Variants in PPP1R12A observed in about 807,000 individuals in gnomAD.
The protein encoded by PPP1R12A is myosin binding subunit.
Under a neutral mutation model 139.6 loss-of-function variants are expected in PPP1R12A, and 19 were observed. The observed-to-expected ratio is 0.14, with a 90% confidence interval of 0.09 to 0.20. PPP1R12A has a LOEUF of 0.20. Among genes scored for constraint, PPP1R12A ranks in the 10% least tolerant of loss-of-function variants. The pLI is 1.00. For synonymous variants in PPP1R12A, 427 were observed against 420.6 expected (o/e 1.02, Z -0.19); for missense variants, 925 against 1,211.5 (o/e 0.76, Z 3.51).
At position 79,808,427 on chromosome 12, in the gene PPP1R12A, T is replaced by G. The variant is rs1000567857; in HGVS notation, c.1550+56A>C. 3 of 1,169,628 alleles carry G rather than the reference T, an allele frequency of 2.6e-6. No homozygotes were observed. In the African/African-American group the frequency reaches 4.6e-5, roughly 18 times the overall value. The allele number at this position is 1,169,628 out of a possible 1,614,324, so 72.5% of individuals were successfully genotyped here. On this transcript the variant is annotated intron_variant, in intron 11 of 24. Transcript: ENST00000450142. ...TACAATGCTCATGTATTAACTCTAA[T>G]GCTAGATAATAAAGATTTTATAGTG...
At chr12:79,926,456 G>T (rs567283072) in intron 1 of PPP1R12A, among the ~76,000 whole-genome samples, 4 of 152,148 alleles carry the variant, frequency 2.6e-5, no homozygotes, top group Non-Finnish European at 4.4e-5. Flanking sequence ...CTCCCAAAGT[G>T]CTAGGACTAC....
At chr12:79,793,965 TTAG>T (rs1872196003) in intron 18 of PPP1R12A, 37 bp from the exon 19 acceptor site, 1 of 1,439,524 alleles carries the variant, frequency 6.9e-7, no homozygotes, top group Admixed American at 2.3e-5. Flanking sequence ...TTAGGAAATT[TTAG>T]TAATAATTTC....
intron 1 of PPP1R12A, among the ~76,000 whole-genome samples, chr12:79,890,903 ACC>A (rs61183477): frequency 0.054 from 5,066 of 93,688 alleles, 282 homozygotes; most frequent in East Asian, 0.29. Flanking sequence ...ACCCACACCC[ACC>A]CACACACACA....
chr12:79,890,223 A>G (rs79878548), intron 1 of PPP1R12A, among the ~76,000 whole-genome samples: 2,190 of 152,298 alleles, frequency 0.014, 45 homozygotes, highest in East Asian at 0.065. Context: ...TTAACAACAA[A>G]ATAAGCACGG....
intron 1 of PPP1R12A, among the ~76,000 whole-genome samples, chr12:79,918,658 G>A (rs1887189564): frequency 1.3e-5 from 2 of 151,994 alleles, no homozygotes; most frequent in African/African-American, 4.8e-5. Flanking sequence ...CCCTCCTGCC[G>A]CTAAGCTAGT....
At chr12:79,777,789 G>A (rs995117578) in intron 24 of PPP1R12A, 2 of 354,318 alleles carry the variant, frequency 5.6e-6, no homozygotes, top group African/African-American at 2.2e-5. Flanking sequence ...GGTAAACACT[G>A]TATTCCTAAA....
At chr12:79,906,761 A>G (rs941623311) in intron 1 of PPP1R12A, among the ~76,000 whole-genome samples, 3 of 152,126 alleles carry the variant, frequency 2.0e-5, no homozygotes, top group Non-Finnish European at 4.4e-5. Flanking sequence ...CTCCTGCTAC[A>G]GCTTCCCAAG....
chr12:79,930,193 C>T (rs1238088832), intron 1 of PPP1R12A, among the ~76,000 whole-genome samples: 1 of 151,400 alleles, frequency 6.6e-6, no homozygotes, highest in South Asian at 2.1e-4. Flanking sequence ...AATTGGCAAA[C>T]GAGGGAGAGA....
At chr12:79,893,763 A>T (rs1327637669) in intron 1 of PPP1R12A, among the ~76,000 whole-genome samples, 1 of 152,204 alleles carries the variant, frequency 6.6e-6, no homozygotes. Flanking sequence ...GATACTAAAA[A>T]TTTTCTACAG....
intron 1 of PPP1R12A, among the ~76,000 whole-genome samples, chr12:79,897,215 A>G (rs1239086601): frequency 3.9e-5 from 6 of 152,234 alleles, no homozygotes; most frequent in African/African-American, 1.4e-4. Flanking sequence ...CCATAAAAAA[A>G]TAACGAAATC....
chr12:79,890,887 CCACCCACCCA>C (rs1167172227), intron 1 of PPP1R12A, among the ~76,000 whole-genome samples: 1,447 of 129,090 alleles, frequency 0.011, 24 homozygotes, highest in African/African-American at 0.039. Context: ...TACACACACA[CCACCCACCCA>C]CACCCACCCA....
Position 79,788,758 on chromosome 12 carries a change from C to T in PPP1R12A, c.2692G>A (p.Gly898Ser). 1 of 1,610,798 alleles carries T rather than the reference C, an allele frequency of 6.2e-7. No individual in the cohort carries two copies. Among genetic ancestry groups the T allele is most frequent in the Non-Finnish European group, 8.5e-7 (1 of 1,178,216 alleles). Residue 898 changes from glycine (G) to serine (S), a missense_variant, in exon 21 of 25, where the codon GGT becomes AGT. By Grantham distance (56) the Gly-to-Ser change is moderately conservative (BLOSUM62 0). Transcript: ENST00000450142. ...CCCAGCAAGGAATCATATCGATCAC[C>T]AGCTGATGTAGAACTGGTTTCATAT... Reference protein sequence around the residue: ...SRYETSSTSAGDRYDSLLGRS... With the variant: ...SRYETSSTSASDRYDSLLGRS...
intron 1 of PPP1R12A, among the ~76,000 whole-genome samples, chr12:79,930,900 C>T (rs1382153441): frequency 6.6e-6 from 1 of 152,150 alleles, no homozygotes; most frequent in Non-Finnish European, 1.5e-5. Context: ...CTGGATTATG[C>T]ATAGACAAGG....
intron 1 of PPP1R12A, among the ~76,000 whole-genome samples, chr12:79,892,420 T>C (rs1434242205): frequency 6.6e-6 from 1 of 152,204 alleles, no homozygotes; most frequent in East Asian, 1.9e-4. Context: ...CCAGAGTTAT[T>C]CTAATAAATA....
At chr12:79,887,545 A>C (rs1884220795) in intron 1 of PPP1R12A, among the ~76,000 whole-genome samples, 1 of 152,158 alleles carries the variant, frequency 6.6e-6, no homozygotes, top group African/African-American at 2.4e-5. Context: ...TTATAAGAAA[A>C]CTTTTTGGAG....
chr12:79,800,733 CTTT>C (rs34522404), intron 14 of PPP1R12A, among the ~76,000 whole-genome samples: 4 of 137,084 alleles, frequency 2.9e-5, no homozygotes, highest in Admixed American at 7.3e-5. Context: ...TCAAATGCTA[CTTT>C]TTTTTTTTTT....
At chr12:79,931,928 C>T (rs1042109400) in intron 1 of PPP1R12A, among the ~76,000 whole-genome samples, 4 of 152,158 alleles carry the variant, frequency 2.6e-5, no homozygotes, top group Non-Finnish European at 5.9e-5. Flanking sequence ...TCTTTTATAA[C>T]TTCTAATGAG....
intron 21 of PPP1R12A, 88 bp from the exon 22 acceptor site, chr12:79,786,566 C>T (rs527597749): frequency 7.3e-6 from 6 of 822,180 alleles, no homozygotes; most frequent in Non-Finnish European, 1.1e-5. Context: ...AATATTAAAA[C>T]AGCTTAATGT....
chr12:79,910,067 T>C (rs539972849), intron 1 of PPP1R12A, among the ~76,000 whole-genome samples: 1 of 152,234 alleles, frequency 6.6e-6, no homozygotes, highest in East Asian at 1.9e-4. Context: ...ATAACATTTA[T>C]CATTTGGATG....
Sources: allele counts gnomAD v4.1 joint callset (sites outside exome capture counted in the v4.1 genomes callset), GRCh38; gene constraint gnomAD v4.1.1; transcripts MANE v1.5; gene names NCBI Gene and HGNC (gene_info 2026-07-23, HGNC 2026-07-21).